The following CEP128 variants were observed in gnomAD, a reference collection of about 807,000 sequenced individuals.
CEP128 encodes centrosomal protein 128.
A neutral mutation model predicts 156.7 loss-of-function variants in CEP128; 132 were observed. That is an observed-to-expected ratio of 0.84 (90% CI 0.73 to 0.97). The LOEUF is 0.97. CEP128 is among the 50% of genes least tolerant of loss of function. CEP128 has a pLI of 0.00. For synonymous variants in CEP128, 469 were observed against 448.9 expected, an observed-to-expected ratio of 1.04 and a Z score of -0.57; for missense variants, 1,252 against 1,281.9, an observed-to-expected ratio of 0.98 and a Z score of 0.36.
Position 80,810,323 on chromosome 14 carries a change from C to CAAAAAAAAAA in CEP128, c.1210-17223_1210-17214dup, listed in dbSNP as rs71103883. 2.6e-3 allele frequency among the ~76,000 whole-genome samples: 39 copies of CAAAAAAAAAA among 15,206 alleles called. 7 individuals carry two copies. The highest frequency in any genetic ancestry group is 3.4e-3 in the Non-Finnish European group (26 of 7,602). 10.0% of individuals were successfully genotyped at this position (15,206 alleles called of 152,430 possible). A position where few individuals can be genotyped will look rare whatever the true frequency, so the allele number is the denominator to read the frequency against. Reference sequence around the variant, plus strand: ...GGGCGACAGAGCAAGACTCCATCTCCAAAAAAAAAAAAAAAAAAAAAAAAA... The same window carrying CAAAAAAAAAA: ...GGGCGACAGAGCAAGACTCCATCTCCAAAAAAAAAAAAAAAAAAAAAAAAAAAAAAAAAAA... On this transcript the variant is annotated intron_variant, in intron 13 of 24. Coordinates refer to ENST00000555265, the MANE Select transcript of CEP128 (RefSeq NM_152446.5).
chr14:80,647,011 ATG>A (rs1224785096), intron 19 of CEP128, among the ~76,000 whole-genome samples: 2,623 of 72,464 alleles, frequency 0.036, 205 homozygotes, highest in Non-Finnish European at 0.051. Context: ...ATATATATAT[ATG>A]TGTGTGTATA....
At chr14:80,561,914 T>A (rs199841539) in intron 20 of CEP128, among the ~76,000 whole-genome samples, 1,962 of 82,512 alleles carry the variant, frequency 0.024, 54 homozygotes, top group African/African-American at 0.086. Context: ...ATATATATAT[T>A]TGTTTTGTTT....
At chr14:80,828,708 A>G (rs376316466) in intron 13 of CEP128, among the ~76,000 whole-genome samples, 4 of 152,274 alleles carry the variant, frequency 2.6e-5, no homozygotes, top group South Asian at 4.2e-4. Flanking sequence ...GAATTATTTG[A>G]CAAGACCACA....
rs538448375 is a variant in CEP128 at position 80,884,470 on chromosome 14, T to C, written c.645+11248A>G. Among the ~76,000 whole-genome samples, 86 of 152,264 alleles carry C rather than the reference T, an allele frequency of 5.6e-4. 1 individual carries two copies. The South Asian group carries it at 0.012, about 21-fold the overall frequency. On this transcript the variant is annotated intron_variant, in intron 8 of 24. Coordinates refer to ENST00000555265, the MANE Select transcript of CEP128 (RefSeq NM_152446.5). Reference sequence around the variant, plus strand: ...CAACTGAGGTATCAAGTTCATCTCATTGGGACTGGCTAGACAGTGGGTGCA... The same window carrying C: ...CAACTGAGGTATCAAGTTCATCTCACTGGGACTGGCTAGACAGTGGGTGCA...
intron 19 of CEP128, among the ~76,000 whole-genome samples, chr14:80,691,773 A>G (rs1896727645): frequency 6.6e-6 from 1 of 152,226 alleles, no homozygotes; most frequent in Non-Finnish European, 1.5e-5. Context: ...TAAAAATTAG[A>G]AGATGATAAT....
rs114542809 is a variant in CEP128 at position 80,604,170 on chromosome 14, A to T, written c.2807-23747T>A. Among the ~76,000 whole-genome samples, 554 of 152,290 alleles carry T rather than the reference A, an allele frequency of 3.6e-3. 5 individuals are homozygous for T. The highest frequency in any genetic ancestry group is 0.013 in the African/African-American group (532 of 41,566). On this transcript the variant is annotated intron_variant, in intron 19 of 24. Coordinates refer to ENST00000555265, the MANE Select transcript of CEP128 (RefSeq NM_152446.5). ...TTCCCTTACAGTGCCCAGAGTCATG[A>T]ATCTAAAATAGATATGCTCATGTCC...
Position 80,515,950 on chromosome 14 carries a change from C to T in CEP128, c.3072+10919G>A, listed in dbSNP as rs117235794. The stretch of plus-strand genomic sequence containing the variant: ...ATGGTGCAACTGCGGCTCACTGCAA[C>T]GACCACCTCCCGGGTTCAAGCAATT... On this transcript the variant is annotated intron_variant, in intron 23 of 24. Coordinates refer to ENST00000555265, the MANE Select transcript of CEP128 (RefSeq NM_152446.5). 1.3e-3 allele frequency among the ~76,000 whole-genome samples: 203 copies of T among 152,290 alleles called. 1 individual carries two copies. The East Asian group carries it at 0.029, about 22-fold the overall frequency.
intron 19 of CEP128, among the ~76,000 whole-genome samples, chr14:80,635,045 TA>T (rs565243969): frequency 8.0e-4 from 122 of 152,304 alleles, no homozygotes; most frequent in Non-Finnish European, 1.4e-3. Flanking sequence ...CAGTGTCTTC[TA>T]AAATATCTCC....
At chr14:80,817,262 G>A (rs1039139672) in intron 13 of CEP128, among the ~76,000 whole-genome samples, 1 of 151,994 alleles carries the variant, frequency 6.6e-6, no homozygotes, top group African/African-American at 2.4e-5. Flanking sequence ...GGTAGAGAAC[G>A]AATCAGTATT....
At chr14:80,698,907 T>C (rs191004202) in intron 19 of CEP128, among the ~76,000 whole-genome samples, 1,687 of 152,282 alleles carry the variant, frequency 0.011, 23 homozygotes, top group Non-Finnish European at 0.014. Context: ...TTCATTCCCA[T>C]TCTAGATTAC....
chr14:80,929,324 A>C (rs1345915557), intron 2 of CEP128, among the ~76,000 whole-genome samples: 1 of 152,250 alleles, frequency 6.6e-6, no homozygotes, highest in Non-Finnish European at 1.5e-5. Context: ...TTCTCAAAGA[A>C]CTAAAAGTAG....
intron 19 of CEP128, among the ~76,000 whole-genome samples, chr14:80,665,764 C>G (rs561815453): frequency 1.3e-5 from 2 of 151,612 alleles, no homozygotes; most frequent in African/African-American, 2.4e-5. Context: ...AGAATTGAAT[C>G]AAGATGGCTA....
intron 8 of CEP128, among the ~76,000 whole-genome samples, chr14:80,881,588 T>C (rs1163102836): frequency 6.6e-6 from 1 of 152,100 alleles, no homozygotes; most frequent in Non-Finnish European, 1.5e-5. Context: ...AGCAGTATTA[T>C]CTTAATACCA....
chr14:80,771,168 G>A (rs1286849938), intron 16 of CEP128, among the ~76,000 whole-genome samples: 1 of 152,074 alleles, frequency 6.6e-6, no homozygotes, highest in Non-Finnish European at 1.5e-5. Context: ...AATCATTGAC[G>A]ACTCACATTC....
chr14:80,678,068 A>ATATATGTG (rs1896161668), intron 19 of CEP128, among the ~76,000 whole-genome samples: 1 of 133,920 alleles, frequency 7.5e-6, no homozygotes, highest in African/African-American at 2.6e-5. Flanking sequence ...ATATATGTAT[A>ATATATGTG]TATATATATG....
chr14:80,525,176 G>A (rs934910246), intron 23 of CEP128, among the ~76,000 whole-genome samples: 4 of 152,124 alleles, frequency 2.6e-5, no homozygotes, highest in Non-Finnish European at 4.4e-5. Context: ...TGTATTTTTG[G>A]AGAACACTAA....
At chr14:80,569,370 A>C (rs1257392601) in intron 20 of CEP128, among the ~76,000 whole-genome samples, 1 of 152,188 alleles carries the variant, frequency 6.6e-6, no homozygotes, top group Non-Finnish European at 1.5e-5. Flanking sequence ...TGCTTTCAAA[A>C]TCATCCCTGG....
At chr14:80,885,551 G>T (rs1888756685) in intron 8 of CEP128, among the ~76,000 whole-genome samples, 1 of 152,160 alleles carries the variant, frequency 6.6e-6, no homozygotes, top group Admixed American at 6.5e-5. Flanking sequence ...CTGTGAGAAG[G>T]AAAACTAACA....
chr14:80,740,494 CTAGATAGATAGA>C (rs200610505), intron 19 of CEP128, among the ~76,000 whole-genome samples: 1,844 of 140,898 alleles, frequency 0.013, 18 homozygotes, highest in Middle Eastern at 0.043. Flanking sequence ...ATATTTATAT[CTAGATAGATAGA>C]TAGATAGATA....
Sources: gnomAD v4.1 joint callset for allele counts (sites outside exome capture counted in the v4.1 genomes callset) on GRCh38, gnomAD v4.1.1 for gene constraint, MANE v1.5 for transcripts, NCBI Gene and HGNC (gene_info 2026-07-23, HGNC 2026-07-21) for gene names.